PPP6R2: variants seen among roughly 807,000 people sequenced by gnomAD.
PPP6R2 encodes the protein protein phosphatase 6 regulatory subunit 2, also known as serine/threonine-protein phosphatase 6 regulatory subunit 2.
Under a neutral mutation model 100.2 loss-of-function variants are expected in PPP6R2, and 62 were observed. The ratio of observed to expected loss-of-function variants is 0.62; its 90% CI spans 0.50 to 0.76. The LOEUF is 0.76. Ranked by LOEUF, PPP6R2 falls within the 30% of genes least tolerant of loss-of-function variation. The pLI, the probability that PPP6R2 is intolerant of heterozygous loss-of-function variation, is 0.00. For synonymous variants in PPP6R2, 525 were observed against 514.7 expected (o/e 1.02, Z -0.27); for missense variants, 1,142 against 1,276.3 (o/e 0.89, Z 1.60).
At chr22:50,416,067 T>C (rs2060486838) in intron 5 of PPP6R2, 25 bp from the exon 6 acceptor site, 2 of 1,602,340 alleles carry the variant, frequency 1.2e-6, no homozygotes, top group Admixed American at 1.7e-5. Context: ...GCAGCGACAC[T>C]GAAAGGCCTC....
intron 15 of PPP6R2, 83 bp downstream of exon 15, chr22:50,437,151 G>A: frequency 3.0e-6 from 4 of 1,326,748 alleles, no homozygotes; most frequent in Non-Finnish European, 4.2e-6. Flanking sequence ...AGACGAGTCT[G>A]ATGGCATCTC....
intron 2 of PPP6R2, among the ~76,000 whole-genome samples, chr22:50,378,716 C>CA (rs1555995644): frequency 0.011 from 923 of 82,258 alleles, 5 homozygotes; most frequent in African/African-American, 0.025. Flanking sequence ...CCCATCTCTA[C>CA]AAAAAAAAAA....
intron 4 of PPP6R2, among the ~76,000 whole-genome samples, chr22:50,410,862 G>A (rs1203755564): frequency 6.6e-6 from 1 of 152,014 alleles, no homozygotes; most frequent in African/African-American, 2.4e-5. Flanking sequence ...GCACAATCTC[G>A]GCTCACTGCA....
At chr22:50,369,302 C>T (rs1373249369) in intron 1 of PPP6R2, among the ~76,000 whole-genome samples, 1 of 139,870 alleles carries the variant, frequency 7.1e-6, no homozygotes, top group Non-Finnish European at 1.5e-5. Context: ...GAAAAGTGGG[C>T]TGAAAGCCTA....
chr22:50,372,815 A>G (rs1002867604), intron 2 of PPP6R2, among the ~76,000 whole-genome samples: 1 of 151,562 alleles, frequency 6.6e-6, no homozygotes, highest in African/African-American at 2.4e-5. Context: ...CAGCCTCCCA[A>G]GTAGCTGGGA....
chr22:50,355,951 T>A (rs1309012959), intron 1 of PPP6R2, among the ~76,000 whole-genome samples: 2 of 151,022 alleles, frequency 1.3e-5, no homozygotes, highest in Non-Finnish European at 2.9e-5. Context: ...TTTTAATACC[T>A]ATAGTGTATT....
chr22:50,363,391 CTT>C (rs1483646090), intron 1 of PPP6R2, among the ~76,000 whole-genome samples: 2 of 152,222 alleles, frequency 1.3e-5, no homozygotes, highest in Non-Finnish European at 2.9e-5. Context: ...AAGGCTTTTA[CTT>C]CAGAATTATA....
chr22:50,383,355 T>A (rs1285168953), intron 2 of PPP6R2, among the ~76,000 whole-genome samples: 4 of 152,202 alleles, frequency 2.6e-5, no homozygotes, highest in African/African-American at 9.6e-5. Context: ...CTTTTGGAAG[T>A]CTTATTCTGC....
chr22:50,359,058 G>A (rs896437277), intron 1 of PPP6R2, among the ~76,000 whole-genome samples: 9 of 139,282 alleles, frequency 6.5e-5, no homozygotes, highest in Non-Finnish European at 1.2e-4. Flanking sequence ...GGAGTTCAGT[G>A]GCGCGATCTC....
Position 50,435,093 on chromosome 22 carries a change from A to G in PPP6R2, c.1516+12A>G. 6 of 1,519,472 alleles carry G rather than the reference A, an allele frequency of 3.9e-6. No homozygotes were observed. In the East Asian group the frequency reaches 1.4e-4, roughly 37 times the overall value. 94.1% of individuals were successfully genotyped at this position (1,519,472 alleles called of 1,614,324 possible). A position where few individuals can be genotyped will look rare whatever the true frequency, so the allele number is the denominator to read the frequency against. ...CGAGGTCATCCGAGGTGAGCCCCCA[A>G]CCCGGTCATCCTTCTGCTGGTCGCG... On this transcript the variant is annotated intron_variant, in intron 13 of 23. Coordinates refer to ENST00000612753, the MANE Select transcript of PPP6R2 (RefSeq NM_001242898.2).
intron 1 of PPP6R2, among the ~76,000 whole-genome samples, chr22:50,367,603 G>A (rs75902412): frequency 0.021 from 3,135 of 152,174 alleles, 114 homozygotes; most frequent in African/African-American, 0.071. Flanking sequence ...AAAAGGGAGG[G>A]AAGGACCTTT....
intron 2 of PPP6R2, among the ~76,000 whole-genome samples, chr22:50,377,740 G>A (rs748207146): frequency 8.5e-5 from 13 of 152,220 alleles, no homozygotes; most frequent in Non-Finnish European, 1.5e-4. Context: ...CAGGCGCGGT[G>A]GCTGACGCCT....
intron 1 of PPP6R2, among the ~76,000 whole-genome samples, chr22:50,360,056 C>CTTT (rs112866506): frequency 7.2e-6 from 1 of 137,990 alleles, no homozygotes; most frequent in Non-Finnish European, 1.6e-5. Context: ...CCTTTCAGCA[C>CTTT]TTTTTTTTTT....
Position 50,439,687 on chromosome 22 carries a change from C to T in PPP6R2, c.2129-14C>T. 6.4e-7 allele frequency: 1 copy of T among 1,563,414 alleles called. No homozygotes were observed. The highest frequency in any genetic ancestry group is 1.2e-5 in the South Asian group (1 of 84,846). On this transcript the variant is annotated splice_polypyrimidine_tract_variant and intron_variant, in intron 19 of 23. Coordinates refer to ENST00000612753, the MANE Select transcript of PPP6R2 (RefSeq NM_001242898.2). ...GCCTGCCCACGCCTGACCACTGTGT[C>T]TCTCCCCCAGCAGGCGCCATGTGGA... is the stretch of plus-strand genomic sequence containing the variant.
chr22:50,376,214 G>T (rs1266621829), intron 2 of PPP6R2, among the ~76,000 whole-genome samples: 2 of 151,986 alleles, frequency 1.3e-5, no homozygotes, highest in Non-Finnish European at 2.9e-5. Flanking sequence ...CAGCATATTG[G>T]GAGGCTGAGG....
chr22:50,391,030 G>A (rs1281149776), intron 2 of PPP6R2, among the ~76,000 whole-genome samples: 2 of 151,006 alleles, frequency 1.3e-5, no homozygotes, highest in Non-Finnish European at 3.0e-5. Context: ...AATTCAGGCC[G>A]GATGCAGTGG....
At chr22:50,404,087 C>G (rs62241888) in intron 3 of PPP6R2, among the ~76,000 whole-genome samples, 3 of 119,146 alleles carry the variant, frequency 2.5e-5, no homozygotes, top group African/African-American at 5.8e-5. Context: ...CCTGCACATT[C>G]TATTTTTTTT....
At chr22:50,331,679 A>G in the PPP6R2 span, among the ~76,000 whole-genome samples, 1 of 152,122 alleles carries the variant, frequency 6.6e-6, no homozygotes, top group African/African-American at 2.4e-5. Context: ...ATGGAATGCA[A>G]TTATGTGATC....
intron 13 of PPP6R2, among the ~76,000 whole-genome samples, chr22:50,435,944 C>T (rs911060469): frequency 1.3e-4 from 20 of 152,212 alleles, no homozygotes; most frequent in African/African-American, 4.6e-4. Context: ...AGGCAGGACA[C>T]GCGCCCAGGC....
Sources: allele counts gnomAD v4.1 joint callset (sites outside exome capture counted in the v4.1 genomes callset), GRCh38; gene constraint gnomAD v4.1.1; transcripts MANE v1.5; gene names NCBI Gene and HGNC (gene_info 2026-07-23, HGNC 2026-07-21).